The following PTK2B variants were observed in gnomAD, a reference collection of about 807,000 sequenced individuals.
The protein encoded by PTK2B is protein tyrosine kinase 2 beta.
Under a neutral mutation model 142.9 loss-of-function variants are expected in PTK2B, and 71 were observed. The observed-to-expected ratio is 0.50, with a 90% CI of 0.41 to 0.61. PTK2B has a LOEUF of 0.61. Among genes scored for constraint, PTK2B ranks in the 20% least tolerant of loss-of-function variants. The pLI is 0.00. For missense variants in PTK2B, 1,105 were observed against 1,320.4 expected (o/e 0.84, Z 2.53); for synonymous variants, 519 against 503.4 (o/e 1.03, Z -0.42).
chr8:27,361,053 A>G (rs529427278), intron 1 of PTK2B, among the ~76,000 whole-genome samples: 2 of 152,258 alleles, frequency 1.3e-5, no homozygotes, highest in East Asian at 3.9e-4. Context: ...CTGGGCTTGT[A>G]GTGCAACCAT....
intron 29 of PTK2B, 26 bp downstream of exon 29, chr8:27,454,317 G>A: frequency 6.2e-7 from 1 of 1,604,096 alleles, no homozygotes; most frequent in Non-Finnish European, 8.5e-7. Flanking sequence ...GGTTGGGGAG[G>A]TGGAGGCGGC....
At chr8:27,413,239 C>T (rs1809177722) in intron 2 of PTK2B, among the ~76,000 whole-genome samples, 2 of 152,204 alleles carry the variant, frequency 1.3e-5, no homozygotes, top group Non-Finnish European at 2.9e-5. Flanking sequence ...TGCCCCATCA[C>T]CGGAATGCTC....
chr8:27,449,329 C>A (rs976097382), intron 24 of PTK2B, among the ~76,000 whole-genome samples: 1 of 152,130 alleles, frequency 6.6e-6, no homozygotes, highest in African/African-American at 2.4e-5. Flanking sequence ...CATGGGGAAA[C>A]GTGTGATTAG....
At chr8:27,350,775 C>T (rs960714707) in intron 1 of PTK2B, among the ~76,000 whole-genome samples, 1 of 151,024 alleles carries the variant, frequency 6.6e-6, no homozygotes, top group Non-Finnish European at 1.5e-5. Context: ...GTTAGGAGTT[C>T]AAGACCACTC....
rs1420167161 is a variant in PTK2B at position 27,445,781 on chromosome 8, T to C, written c.2215-13T>C. The C allele has an allele frequency of 1.2e-6, 2 of 1,613,298 alleles. No homozygotes were observed. The highest frequency in any genetic ancestry group is 2.2e-5 in the South Asian group (2 of 91,088). The stretch of plus-strand genomic sequence containing the variant: ...TGTCCCGTGCCTTGTGCTTCTTTGC[T>C]TTTCCTGAATAGGTTCCTGAGGGTC... On this transcript the variant is annotated splice_polypyrimidine_tract_variant and intron_variant, in intron 23 of 30. Transcript: ENST00000346049.
Position 27,445,856 on chromosome 8 carries a change from C to T in PTK2B, c.2277C>T (p.Pro759=), listed in dbSNP as rs745438146. Residue 759 remains proline (P), a synonymous_variant, in exon 24 of 31, where the codon CCC becomes CCT. Transcript: ENST00000346049. ...CCAGCCCTATGGAGTATCCATCTCC[C>T]GTTAACTCACTGCACACCCCACCTC... ...TLTSPMEYPS[P]VNSLHTPPLH... 2.5e-5 allele frequency: 40 copies of T among 1,613,978 alleles called. No individual in the cohort carries two copies. The highest frequency in any genetic ancestry group is 8.0e-5 in the African/African-American group (6 of 74,910).
chr8:27,408,889 C>T (rs1808886411), intron 2 of PTK2B, among the ~76,000 whole-genome samples: 1 of 152,190 alleles, frequency 6.6e-6, no homozygotes, highest in Non-Finnish European at 1.5e-5. Flanking sequence ...TATCACAGTT[C>T]TGGAGGCTAG....
intron 1 of PTK2B, among the ~76,000 whole-genome samples, chr8:27,354,616 C>T (rs1208296610): frequency 6.6e-6 from 1 of 152,144 alleles, no homozygotes; most frequent in African/African-American, 2.4e-5. Context: ...ATCCGAAGTG[C>T]TTGAAAAATG....
intron 1 of PTK2B, among the ~76,000 whole-genome samples, chr8:27,395,147 A>G (rs891509272): frequency 4.6e-5 from 7 of 152,228 alleles, no homozygotes; most frequent in Non-Finnish European, 8.8e-5. Context: ...AACCAGTCAC[A>G]TAATCTTTAT....
intron 1 of PTK2B, among the ~76,000 whole-genome samples, chr8:27,392,026 AG>A (rs1314605516): frequency 1.3e-5 from 2 of 152,260 alleles, no homozygotes; most frequent in Admixed American, 1.3e-4. Context: ...TTGGAGAGCC[AG>A]GAAGGTCTGG....
At chr8:27,431,317 A>G in intron 8 of PTK2B, 81 bp from the exon 9 acceptor site, 2 of 1,601,114 alleles carry the variant, frequency 1.2e-6, no homozygotes, top group South Asian at 2.2e-5. Flanking sequence ...GCTTGTGTCT[A>G]GCTTAGGGAG....
chr8:27,349,056 C>T (rs1804886452), intron 1 of PTK2B, among the ~76,000 whole-genome samples: 2 of 152,258 alleles, frequency 1.3e-5, no homozygotes, highest in African/African-American at 2.4e-5. Flanking sequence ...AGCCTCAGAC[C>T]ACTGGGTCTG....
At chr8:27,402,787 G>A (rs1180848260) in intron 2 of PTK2B, among the ~76,000 whole-genome samples, 6 of 152,130 alleles carry the variant, frequency 3.9e-5, no homozygotes, top group Non-Finnish European at 8.8e-5. Context: ...CATCTCCATG[G>A]CTACAACCTT....
intron 2 of PTK2B, among the ~76,000 whole-genome samples, chr8:27,405,113 A>G (rs1403940102): frequency 6.7e-6 from 1 of 148,568 alleles, no homozygotes; most frequent in African/African-American, 2.5e-5. Context: ...TCTGTAAATG[A>G]GGAAGCTCAC....
At chr8:27,313,198 C>T (rs1352688890) in intron 2 of PTK2B, 1 of 152,256 alleles carries the variant, frequency 6.6e-6, no homozygotes, top group Non-Finnish European at 1.5e-5. Context: ...CATTCTCCTT[C>T]CTGCAGCCTT....
At chr8:27,385,892 CAAAA>C (rs71553856) in intron 1 of PTK2B, among the ~76,000 whole-genome samples, 40 of 110,006 alleles carry the variant, frequency 3.6e-4, no homozygotes, top group African/African-American at 1.2e-3. Context: ...GATTCCGTCT[CAAAA>C]AAAAAAAAAA....
In PTK2B at chr8:27,445,213, A is replaced by ATAG. The variant is rs1449997569; in HGVS notation, c.2215-578_2215-576dup. Among the ~76,000 whole-genome samples the ATAG allele has an allele frequency of 5.9e-5, 9 of 152,274 alleles. No homozygotes were observed. The East Asian group carries it at 1.7e-3, about 29-fold the overall frequency. ...AGTGAGACCCCATCTCTAAAAACAA[A>ATAG]TAGTAATACAATAAAATTGTGATAT... On this transcript the variant is annotated intron_variant, in intron 23 of 30. Transcript: ENST00000346049.
At chr8:27,324,064 C>T (rs571566897), upstream of PTK2B, among the ~76,000 whole-genome samples, 1 of 152,316 alleles carries the variant, frequency 6.6e-6, no homozygotes, top group Non-Finnish European at 1.5e-5. Context: ...CACTTCATTT[C>T]CAAGCGCAAG....
intron 1 of PTK2B, among the ~76,000 whole-genome samples, chr8:27,347,424 G>A (rs35728302): frequency 6.6e-6 from 1 of 152,154 alleles, no homozygotes; most frequent in South Asian, 2.1e-4. Flanking sequence ...ACTGTCATCA[G>A]AAAGTACCAC....
Sources: gnomAD v4.1 joint callset for allele counts (sites outside exome capture counted in the v4.1 genomes callset) on GRCh38, gnomAD v4.1.1 for gene constraint, MANE v1.5 for transcripts, NCBI Gene and HGNC (gene_info 2026-07-23, HGNC 2026-07-21) for gene names.